AOPEP: variants seen among roughly 807,000 people sequenced by gnomAD.
The protein encoded by AOPEP is aminopeptidase O.
A neutral mutation model predicts 98.1 loss-of-function variants in AOPEP; 77 were observed. The ratio of observed to expected loss-of-function variants is 0.78; its 90% CI spans 0.65 to 0.95. The LOEUF (loss-of-function observed/expected upper bound fraction) is 0.95, where lower values mean the gene tolerates loss of function less well. Ranked by LOEUF, AOPEP falls within the 40% of genes least tolerant of loss-of-function variation. The pLI, the probability that AOPEP is intolerant of heterozygous loss-of-function variation, is 0.00. For missense variants in AOPEP, 1,024 were observed against 1,024.7 expected, an observed-to-expected ratio of 1.00 and a Z score of 0.01; for synonymous variants, 346 against 365.3, an observed-to-expected ratio of 0.95 and a Z score of 0.60.
At chr9:94,730,291 AAAAAAAAAAAAGTC>A (rs1830224795) in intron 1 of AOPEP, among the ~76,000 whole-genome samples, 1 of 151,952 alleles carries the variant, frequency 6.6e-6, no homozygotes, top group African/African-American at 2.4e-5. Flanking sequence ...CTCAAAAAAA[AAAAAAAAAAAAGTC>A]AAGAATGGAC....
At chr9:95,060,155 A>T (rs1047360826) in intron 13 of AOPEP, among the ~76,000 whole-genome samples, 1 of 152,138 alleles carries the variant, frequency 6.6e-6, no homozygotes, top group African/African-American at 2.4e-5. Context: ...GAGCTTTTTA[A>T]TGGATTATAA....
intron 11 of AOPEP, chr9:95,004,425 C>A: frequency 5.3e-6 from 2 of 379,106 alleles, no homozygotes; most frequent in South Asian, 3.9e-5. Flanking sequence ...GGTTTCTCTG[C>A]GCCCTGGCCT....
At chr9:94,786,774 G>T (rs912368488) in intron 3 of AOPEP, among the ~76,000 whole-genome samples, 58 of 152,218 alleles carry the variant, frequency 3.8e-4, no homozygotes, top group Non-Finnish European at 1.0e-4. Flanking sequence ...CCAGGATCCA[G>T]GCAAGAAGCC....
At chr9:94,730,007 G>A (rs982780271) in intron 1 of AOPEP, among the ~76,000 whole-genome samples, 5 of 152,196 alleles carry the variant, frequency 3.3e-5, no homozygotes, top group East Asian at 1.9e-4. Flanking sequence ...TGTCTGGGCC[G>A]GGCACAGTGG....
At chr9:94,959,677 C>T (rs1168348527) in intron 9 of AOPEP, among the ~76,000 whole-genome samples, 1 of 152,090 alleles carries the variant, frequency 6.6e-6, no homozygotes, top group East Asian at 1.9e-4. Flanking sequence ...AAACATTACT[C>T]AAAATCCCAC....
At position 95,087,076 on chromosome 9, in the gene AOPEP, A is replaced by G. The variant is rs1259596650; in HGVS notation, c.*399A>G. ...CCAGAAAGTCACACAGCTCCTCTGT[A>G]TGAGACCAGTGGGCGCCATTTAAAA... On this transcript the variant is annotated 3_prime_UTR_variant, in exon 17 of 17. Coordinates refer to ENST00000375315, the MANE Select transcript of AOPEP (RefSeq NM_001193329.3). The G allele has an allele frequency of 3.2e-6, 1 of 316,544 alleles. No homozygotes were observed. The highest frequency in any genetic ancestry group is 4.6e-6 in the Non-Finnish European group (1 of 218,488). 19.6% of individuals were successfully genotyped at this position (316,544 alleles called of 1,614,324 possible).
chr9:94,922,367 C>A (rs952543531), intron 5 of AOPEP, among the ~76,000 whole-genome samples: 4 of 152,238 alleles, frequency 2.6e-5, no homozygotes, highest in Admixed American at 6.5e-5. Flanking sequence ...TGGCTGCAGA[C>A]CCTGCCCACG....
chr9:94,967,661 A>G, intron 9 of AOPEP, 97 bp from the exon 10 acceptor site: 1 of 916,778 alleles, frequency 1.1e-6, no homozygotes, highest in South Asian at 1.3e-5. Context: ...CAAGCAGGTG[A>G]GCTGTCAGTA....
At chr9:94,813,175 A>C (rs970214018) in intron 5 of AOPEP, among the ~76,000 whole-genome samples, 11 of 152,192 alleles carry the variant, frequency 7.2e-5, no homozygotes, top group African/African-American at 2.4e-4. Context: ...ATTTATAGCT[A>C]CTTCTGGCAG....
At chr9:94,767,334 A>G (rs776151744) in intron 2 of AOPEP, among the ~76,000 whole-genome samples, 2 of 152,202 alleles carry the variant, frequency 1.3e-5, no homozygotes, top group Non-Finnish European at 2.9e-5. Context: ...TTGAGTCACC[A>G]TGGAAGAAAA....
intron 5 of AOPEP, among the ~76,000 whole-genome samples, chr9:94,917,258 C>T (rs1174269880): frequency 6.6e-6 from 1 of 151,622 alleles, no homozygotes; most frequent in Non-Finnish European, 1.5e-5. Context: ...GTATGGTCTG[C>T]AGAGCTGCCA....
chr9:94,791,705 C>T (rs772601586), intron 3 of AOPEP, among the ~76,000 whole-genome samples: 1 of 151,978 alleles, frequency 6.6e-6, no homozygotes, highest in Non-Finnish European at 1.5e-5. Context: ...AACTACCTAT[C>T]GGGTACTATG....
At chr9:94,954,226 A>T (rs1453511610) in intron 7 of AOPEP, among the ~76,000 whole-genome samples, 1 of 152,158 alleles carries the variant, frequency 6.6e-6, no homozygotes, top group Non-Finnish European at 1.5e-5. Context: ...TGGGAGGCTG[A>T]AGCAGAAGGA....
intron 5 of AOPEP, 144 bp downstream of exon 5, chr9:94,801,146 G>A (rs1329474014): frequency 1.9e-5 from 18 of 947,948 alleles, no homozygotes; most frequent in Non-Finnish European, 2.8e-5. Context: ...TCTCATTGCT[G>A]CCTTGAGGGA....
chr9:94,991,359 G>C (rs1037075543), intron 11 of AOPEP, among the ~76,000 whole-genome samples: 2 of 152,194 alleles, frequency 1.3e-5, no homozygotes, highest in African/African-American at 2.4e-5. Context: ...TTCTGGTATT[G>C]TGCAACTTTG....
chr9:95,103,961 G>C, the AOPEP span, among the ~76,000 whole-genome samples: 1 of 152,216 alleles, frequency 6.6e-6, no homozygotes, highest in Admixed American at 6.5e-5. Flanking sequence ...CCAAGATAGA[G>C]GGCAGAGCCT....
the AOPEP span, chr9:95,110,863 C>G: frequency 5.9e-6 from 7 of 1,193,724 alleles, no homozygotes; most frequent in Non-Finnish European, 7.3e-6. Context: ...TAACAACTGT[C>G]TTTGCCACAG....
intron 13 of AOPEP, chr9:95,056,617 G>A (rs2066845682): frequency 6.6e-6 from 1 of 152,118 alleles, no homozygotes. Context: ...AGTTTAGGAG[G>A]GTGGGTTTGG....
chr9:95,118,744 A>T, the AOPEP span, among the ~76,000 whole-genome samples: 1 of 152,222 alleles, frequency 6.6e-6, no homozygotes, highest in Non-Finnish European at 1.5e-5. Flanking sequence ...GTGCGAGTAG[A>T]TCATTCTGTT....
Sources: allele counts gnomAD v4.1 joint callset (sites outside exome capture counted in the v4.1 genomes callset), GRCh38; gene constraint gnomAD v4.1.1; transcripts MANE v1.5; gene names NCBI Gene and HGNC (gene_info 2026-07-23, HGNC 2026-07-21).